The following SYNE1 variants were observed in gnomAD, a reference collection of about 807,000 sequenced individuals.
SYNE1 encodes the protein spectrin repeat containing nuclear envelope protein 1.
SYNE1 carries 616 observed loss-of-function variants against 1,111.0 expected under a neutral mutation model. The ratio of observed to expected loss-of-function variants is 0.55; its 90% confidence interval spans 0.52 to 0.59. The LOEUF is 0.59. Ranked by LOEUF, SYNE1 falls within the 20% of genes least tolerant of loss-of-function variation. The pLI, the probability that SYNE1 is intolerant of heterozygous loss-of-function variation, is 0.00. For synonymous variants in SYNE1, 3,855 were observed against 3,825.8 expected (o/e 1.01, Z -0.28); for missense variants, 10,006 against 10,417.0 (o/e 0.96, Z 1.72).
At chr6:152,244,494 T>C (rs2086588639) in intron 106 of SYNE1, 43 bp downstream of exon 106, 6 of 1,613,630 alleles carry the variant, frequency 3.7e-6, no homozygotes, top group Non-Finnish European at 3.4e-6. Flanking sequence ...ACTTCAAGTT[T>C]GATGTACCCC....
rs1288742740 is a variant in SYNE1 at position 152,429,529 on chromosome 6, C to CAT, written c.4788+582_4788+583insAT. Among the ~76,000 whole-genome samples, 3 of 152,254 alleles carry CAT rather than the reference C, an allele frequency of 2.0e-5. No individual in the cohort carries two copies. The East Asian group carries it at 5.8e-4, about 29-fold the overall frequency. ...ACATACACCTTTATAAATGTTCGTG[C>CAT]ACACATGAACATGCAATATGAATCA... On this transcript the variant is annotated intron_variant, in intron 36 of 145. Transcript: ENST00000367255.
intron 104 of SYNE1, among the ~76,000 whole-genome samples, chr6:152,249,467 A>G (rs1163355063): frequency 6.6e-6 from 1 of 152,222 alleles, no homozygotes; most frequent in African/African-American, 2.4e-5. Context: ...CTGTTACCCA[A>G]AGTATTTTCT....
chr6:152,344,239 C>T lies in SYNE1; in HGVS notation c.12079-12G>A. The T allele has an allele frequency of 6.2e-7, 1 of 1,614,096 alleles. No homozygotes were observed. Among genetic ancestry groups the T allele is most frequent in the Non-Finnish European group, 8.5e-7 (1 of 1,180,008 alleles). ...AAACTCTGGTACATCTGAGACAATA[C>T]AATCATGCTGAGATTATGAGAACTG... On this transcript the variant is annotated splice_polypyrimidine_tract_variant and intron_variant, in intron 73 of 145. Coordinates refer to ENST00000367255, the MANE Select transcript of SYNE1 (RefSeq NM_182961.4).
At chr6:152,240,323 A>C (rs1283688880) in intron 107 of SYNE1, among the ~76,000 whole-genome samples, 1 of 152,124 alleles carries the variant, frequency 6.6e-6, no homozygotes, top group Non-Finnish European at 1.5e-5. Context: ...CAAACAAAAA[A>C]CATTGCTTTC....
At position 152,548,948 on chromosome 6, in the gene SYNE1, C is replaced by A. The variant is rs150619849; in HGVS notation, c.68-8927G>T. On this transcript the variant is annotated intron_variant, in intron 3 of 145. Transcript: ENST00000367255. ...AGTTTCTGTTTTAGCTGTCTTGGAT[C>A]TCCATCCTAAAACCACTGTGCAAAG... 7.7e-3 allele frequency among the ~76,000 whole-genome samples: 1,172 copies of A among 152,264 alleles called. 6 individuals carry two copies. The highest frequency in any genetic ancestry group is 0.012 in the Non-Finnish European group (799 of 68,010).
At chr6:152,390,736 C>G (rs1400324940) in intron 52 of SYNE1, among the ~76,000 whole-genome samples, 1 of 152,158 alleles carries the variant, frequency 6.6e-6, no homozygotes, top group East Asian at 1.9e-4. Context: ...AAAATACATT[C>G]TTTTGAAAAT....
At chr6:152,512,720 T>C (rs2154340207) in intron 6 of SYNE1, among the ~76,000 whole-genome samples, 1 of 152,290 alleles carries the variant, frequency 6.6e-6, no homozygotes, top group Middle Eastern at 3.4e-3. Context: ...AAGAAAAATG[T>C]TTTTCATGAT....
chr6:152,155,359 A>T (rs2152947052), intron 132 of SYNE1: 3 of 375,082 alleles, frequency 8.0e-6, no homozygotes, highest in South Asian at 7.5e-5. Context: ...CACCAGGTTT[A>T]CAGTGTGCAC....
chr6:152,224,130 A>C (rs1169868610), intron 117 of SYNE1, among the ~76,000 whole-genome samples: 2 of 152,326 alleles, frequency 1.3e-5, no homozygotes, highest in East Asian at 3.9e-4. Flanking sequence ...TTTTCTTTTG[A>C]ACATTCCTTA....
intron 145 of SYNE1, among the ~76,000 whole-genome samples, chr6:152,123,573 T>C (rs2052226269): frequency 6.6e-6 from 1 of 152,236 alleles, no homozygotes; most frequent in African/African-American, 2.4e-5. Context: ...AGTTGGGTGC[T>C]ACTGTTTTCT....
intron 91 of SYNE1, chr6:152,302,264 C>T: frequency 1.4e-6 from 1 of 689,932 alleles, no homozygotes. Flanking sequence ...CAGGCACAGC[C>T]AAAGTGCCCG....
rs1591735356 is a variant in SYNE1, at chr6:152,391,160, G to T, written c.8004+117C>A. On this transcript the variant is annotated intron_variant, in intron 52 of 145. Transcript: ENST00000367255. Reference sequence around the variant, plus strand: ...CTTTTTTGCCCAATTTCTCCATTTTGCCCACACAATCCTCATTTAGAGGCT... The same window carrying T: ...CTTTTTTGCCCAATTTCTCCATTTTTCCCACACAATCCTCATTTAGAGGCT... The T allele has an allele frequency of 2.0e-6, 3 of 1,477,942 alleles. No homozygotes were observed. The East Asian group carries it at 6.8e-5, about 34-fold the overall frequency. 91.6% of individuals were successfully genotyped at this position (1,477,942 alleles called of 1,614,324 possible). A position where few individuals can be genotyped will look rare whatever the true frequency, so the allele number is the denominator to read the frequency against.
intron 49 of SYNE1, 130 bp downstream of exon 49, chr6:152,398,489 C>T (rs2097768413): frequency 2.6e-6 from 2 of 761,732 alleles, no homozygotes; most frequent in Admixed American, 2.0e-5. Flanking sequence ...CTGACTCAAT[C>T]AGCCTAATTC....
intron 48 of SYNE1, 41 bp from the exon 49 acceptor site, chr6:152,398,772 G>T: frequency 6.5e-7 from 1 of 1,526,868 alleles, no homozygotes; most frequent in Admixed American, 1.7e-5. Context: ...TAAAAAATCA[G>T]AAGCAAATCC....
rs1358057809 is a variant in SYNE1 at position 152,136,525 on chromosome 6, GT to G, written c.25659+92del. Reference sequence around the variant, plus strand: ...AATACTGACTTTGGGGAGCAACTGCGTCCCTCTAGAAACCATGATACATCAA... The same window carrying G: ...AATACTGACTTTGGGGAGCAACTGCGCCCTCTAGAAACCATGATACATCAA... On this transcript the variant is annotated intron_variant, in intron 141 of 145. Transcript: ENST00000367255. 3 of 1,493,002 alleles carry G rather than the reference GT, an allele frequency of 2.0e-6. No homozygotes were observed. The Admixed American group carries it at 5.4e-5, about 27-fold the overall frequency. The allele number at this position is 1,493,002 out of a possible 1,614,324, so 92.5% of individuals were successfully genotyped here. A position where few individuals can be genotyped will look rare whatever the true frequency, so the allele number is the denominator to read the frequency against.
At chr6:152,555,062 A>G (rs979909135) in intron 3 of SYNE1, among the ~76,000 whole-genome samples, 1 of 152,234 alleles carries the variant, frequency 6.6e-6, no homozygotes, top group African/African-American at 2.4e-5. Context: ...CATAAATGGG[A>G]AGTGAGATTT....
At chr6:152,483,027 C>T in intron 14 of SYNE1, 58 bp downstream of exon 14, 1 of 1,604,080 alleles carries the variant, frequency 6.2e-7, no homozygotes, top group South Asian at 1.1e-5. Context: ...AACTAGGCTA[C>T]CTCTCCAGAC....
At position 152,329,264 on chromosome 6, in the gene SYNE1, G is replaced by A. The variant is rs989530973; in HGVS notation, c.14955+466C>T. On this transcript the variant is annotated intron_variant, in intron 78 of 145. Coordinates refer to ENST00000367255, the MANE Select transcript of SYNE1 (RefSeq NM_182961.4). The stretch of plus-strand genomic sequence containing the variant: ...CACCTGGCCAGGCACGGTGGCTCCC[G>A]CCTATAATTCCAGCACTTTGGGAGG... Among the ~76,000 whole-genome samples, 14 of 152,246 alleles carry A rather than the reference G, an allele frequency of 9.2e-5. No individual in the cohort carries two copies. The East Asian group carries it at 1.7e-3, about 19-fold the overall frequency.
intron 70 of SYNE1, among the ~76,000 whole-genome samples, chr6:152,351,077 G>GA (rs1287985133): frequency 6.6e-6 from 1 of 151,842 alleles, no homozygotes; most frequent in African/African-American, 2.4e-5. Context: ...TTTCATCAGA[G>GA]AAAAAAAATC....
Sources: gnomAD v4.1 joint callset for allele counts (sites outside exome capture counted in the v4.1 genomes callset) on GRCh38, gnomAD v4.1.1 for gene constraint, MANE v1.5 for transcripts, NCBI Gene and HGNC (gene_info 2026-07-23, HGNC 2026-07-21) for gene names.